RP9: variants seen among roughly 807,000 people sequenced by gnomAD.
The protein encoded by RP9 is RP9 pre-mRNA splicing factor.
RP9 carries 23 observed loss-of-function variants against 32.6 expected under a neutral mutation model. The ratio of observed to expected loss-of-function variants is 0.71; its 90% CI spans 0.51 to 1.00. RP9 has a LOEUF of 1.00. RP9 is among the 50% of genes least tolerant of loss of function. RP9 has a pLI of 0.00. For missense variants in RP9, 245 were observed against 285.3 expected, an observed-to-expected ratio of 0.86 and a Z score of 1.02; for synonymous variants, 94 against 103.6, an observed-to-expected ratio of 0.91 and a Z score of 0.56.
At chr7:33,098,925 G>A (rs550748217) in intron 3 of RP9, among the ~76,000 whole-genome samples, 3 of 152,290 alleles carry the variant, frequency 2.0e-5, no homozygotes, top group Admixed American at 6.5e-5. Flanking sequence ...GATCCAACAC[G>A]GGAGAGAGGC....
chr7:33,099,234 TA>T, intron 3 of RP9, 72 bp downstream of exon 3: 1 of 1,553,984 alleles, frequency 6.4e-7, no homozygotes, highest in African/African-American at 1.4e-5. Context: ...ACAAGTTAAA[TA>T]AAAGAAGTAA....
At chr7:33,096,447 A>G (rs760947168) in intron 5 of RP9, 46 bp downstream of exon 5, 1 of 1,394,818 alleles carries the variant, frequency 7.2e-7, no homozygotes, top group Non-Finnish European at 1.0e-6. Flanking sequence ...ACTTTATATA[A>G]TTTTAAAACT....
intron 1 of RP9, among the ~76,000 whole-genome samples, chr7:33,107,579 A>G (rs1201862946): frequency 6.6e-6 from 1 of 152,190 alleles, no homozygotes; most frequent in Non-Finnish European, 1.5e-5. Flanking sequence ...GATGCCCACA[A>G]TGCAGGGTCT....
chr7:33,100,828 G>T lies in RP9; in HGVS notation c.153-267C>A. The T allele has an allele frequency of 6.5e-6, 4 of 615,386 alleles. No homozygotes were observed. The Admixed American group carries it at 6.9e-5, about 11-fold the overall frequency. The allele number at this position is 615,386 out of a possible 1,614,324, so 38.1% of individuals were successfully genotyped here. ...AGAGGAGACCCAGAATGCTGAGCAC[G>T]CAAGTCTCCAGATGGGACAGGCAGC... is the stretch of plus-strand genomic sequence containing the variant. On this transcript the variant is annotated intron_variant, in intron 1 of 5. Transcript: ENST00000297157.
chr7:33,096,187 A>G (rs1026414658), intron 5 of RP9, among the ~76,000 whole-genome samples: 1 of 152,190 alleles, frequency 6.6e-6, no homozygotes, highest in Admixed American at 6.5e-5. Context: ...GAGAAGATAA[A>G]CTGAATCACA....
chr7:33,097,466 C>G, intron 3 of RP9, 104 bp from the exon 4 acceptor site: 1 of 805,246 alleles, frequency 1.2e-6, no homozygotes, highest in South Asian at 1.6e-5. Context: ...AACTCTAATT[C>G]TAAAACAAAA....
chr7:33,096,340 G>A (rs914245552), intron 5 of RP9, among the ~76,000 whole-genome samples, 153 bp downstream of exon 5: 2 of 152,116 alleles, frequency 1.3e-5, no homozygotes, highest in Admixed American at 1.3e-4. Flanking sequence ...CCCCAACACT[G>A]GCCTTTTCAG....
intron 1 of RP9, 52 bp from the exon 2 acceptor site, chr7:33,100,613 C>T: frequency 7.0e-7 from 1 of 1,438,288 alleles, no homozygotes; most frequent in Non-Finnish European, 9.8e-7. Context: ...AAACATAACA[C>T]ATCAAGTTAC....
chr7:33,097,164 C>T (rs993496992), intron 4 of RP9, 107 bp downstream of exon 4: 1 of 839,432 alleles, frequency 1.2e-6, no homozygotes, highest in East Asian at 2.4e-5. Context: ...CAAAGGGCTT[C>T]TGGGAATGTA....
At chr7:33,102,899 C>T (rs1788448738) in intron 1 of RP9, among the ~76,000 whole-genome samples, 1 of 152,180 alleles carries the variant, frequency 6.6e-6, no homozygotes. Flanking sequence ...GCCTGGCAGG[C>T]AGGGTCACCG....
rs1292033299 is a variant in RP9 at position 33,095,075 on chromosome 7, T to C, written c.*159A>G. 2 of 646,410 alleles carry C rather than the reference T, an allele frequency of 3.1e-6. No individual in the cohort carries two copies. Among genetic ancestry groups the C allele is most frequent in the African/African-American group, 1.8e-5 (1 of 54,704 alleles). 40.0% of individuals were successfully genotyped at this position (646,410 alleles called of 1,614,324 possible). On this transcript the variant is annotated 3_prime_UTR_variant, in exon 6 of 6. Transcript: ENST00000297157. ...ACCTGGAAGGAGACACTCCCTCTCC[T>C]GGGGTCACATCTTCACTGCAAGGCG...
intron 4 of RP9, among the ~76,000 whole-genome samples, chr7:33,096,845 A>G (rs1788343562): frequency 1.3e-5 from 2 of 152,222 alleles, no homozygotes; most frequent in African/African-American, 4.8e-5. Context: ...AAACAAAGAA[A>G]AATACAGGGA....
chr7:33,109,202 A>C lies in RP9; in HGVS notation c.152+19T>G. On this transcript the variant is annotated intron_variant, in intron 1 of 5. Transcript: ENST00000297157. The surrounding 1 kb of genome is among the most constrained non-coding windows in gnomAD (Gnocchi z 4.9). ...GCTTCAGAAGACTGGCCGCGCGCGG[A>C]CGGCAGCTCGGGACTCACAAGGACT... The C allele has an allele frequency of 6.7e-7, 1 of 1,489,302 alleles. No homozygotes were observed. Among genetic ancestry groups the C allele is most frequent in the Non-Finnish European group, 8.9e-7 (1 of 1,121,430 alleles). The allele number at this position is 1,489,302 out of a possible 1,614,324, so 92.3% of individuals were successfully genotyped here. A position where few individuals can be genotyped will look rare whatever the true frequency, so the allele number is the denominator to read the frequency against.
At chr7:33,104,809 G>T (rs1393388507) in intron 1 of RP9, among the ~76,000 whole-genome samples, 2 of 152,120 alleles carry the variant, frequency 1.3e-5, no homozygotes, top group Admixed American at 1.3e-4. Context: ...TTGAACTCTT[G>T]GCTTCAAATG....
chr7:33,104,493 TA>T (rs1788471437), intron 1 of RP9, among the ~76,000 whole-genome samples: 1 of 151,832 alleles, frequency 6.6e-6, no homozygotes, highest in African/African-American at 2.4e-5. Context: ...TGGAAAAGAC[TA>T]ACATTATCAT....
In RP9 at chr7:33,095,194, C is replaced by T. The variant is rs1562618143; in HGVS notation, c.*40G>A. 1 of 1,591,692 alleles carries T rather than the reference C, an allele frequency of 6.3e-7. No homozygotes were observed. The highest frequency in any genetic ancestry group is 2.2e-5 in the East Asian group (1 of 44,706). ...ACTGCATCTTCCTCTGTTCCTTGGT[C>T]AGTGTTTGAGAAGAGAATGTTGAAC... On this transcript the variant is annotated 3_prime_UTR_variant, in exon 6 of 6. Transcript: ENST00000297157.
At position 33,109,315 on chromosome 7, in the gene RP9, C is replaced by T. The variant is rs1788547914; in HGVS notation, c.58G>A (p.Glu20Lys). The T allele has an allele frequency of 2.0e-6, 3 of 1,464,958 alleles. No individual in the cohort carries two copies. The highest frequency in any genetic ancestry group is 2.7e-6 in the Non-Finnish European group (3 of 1,112,858). The allele number at this position is 1,464,958 out of a possible 1,614,324, so 90.7% of individuals were successfully genotyped here. The change falls in exon 1 of 6, where the codon GAG (glutamate) becomes AAG (lysine). Residue 20 changes from glutamate (E) to lysine (K), a missense_variant. Transcript: ENST00000297157. This position sits in a 1 kb window ranked among gnomAD's most constrained non-coding sequence, Gnocchi z 4.9. ...VGAAGARRPR[E>K]PPEQELQRRR... ...CGCTGCAGCTCCTGCTCCGGCGGCT[C>T]ACGCGGCCGCCGCGCGCCCGCAGCC...
chr7:33,102,591 C>G (rs539362102), intron 1 of RP9, among the ~76,000 whole-genome samples: 2 of 152,298 alleles, frequency 1.3e-5, no homozygotes, highest in East Asian at 1.9e-4. Flanking sequence ...GGAAGAAGAC[C>G]AGTTATGTCT....
chr7:33,107,665 T>A (rs902235364), intron 1 of RP9, among the ~76,000 whole-genome samples: 4 of 152,174 alleles, frequency 2.6e-5, no homozygotes, highest in Non-Finnish European at 4.4e-5. Context: ...GCAGGCCAGG[T>A]CCCAACATAG....
Sources: allele counts gnomAD v4.1 joint callset (sites outside exome capture counted in the v4.1 genomes callset), GRCh38; gene constraint gnomAD v4.1.1; non-coding constraint Gnocchi (gnomAD v3.1); transcripts MANE v1.5; gene names NCBI Gene and HGNC (gene_info 2026-07-23, HGNC 2026-07-21).